Variants in COX10 observed in about 807,000 individuals in gnomAD.
COX10 encodes the protein protoheme IX farnesyltransferase, mitochondrial.
In COX10, 27 loss-of-function variants were observed where a neutral mutation model predicts 37.3. That is an observed-to-expected ratio of 0.72 (90% CI 0.53 to 1.00). The LOEUF (loss-of-function observed/expected upper bound fraction) is 1.00, where lower values mean the gene tolerates loss of function less well. COX10 is among the 50% of genes least tolerant of loss of function. COX10 has a pLI of 0.00. For missense variants in COX10, 475 were observed against 563.2 expected (o/e 0.84, Z 1.59); for synonymous variants, 222 against 229.1 (o/e 0.97, Z 0.28).
chr17:14,093,403 C>T (rs1329318733), intron 3 of COX10, among the ~76,000 whole-genome samples: 1 of 152,068 alleles, frequency 6.6e-6, no homozygotes, highest in Non-Finnish European at 1.5e-5. Context: ...TATGCTTATG[C>T]TTAGAGACCA....
At chr17:14,148,534 G>T (rs968379804) in intron 4 of COX10, among the ~76,000 whole-genome samples, 1 of 152,128 alleles carries the variant, frequency 6.6e-6, no homozygotes, top group Admixed American at 6.6e-5. Flanking sequence ...TGTTGACAGC[G>T]TTGAGAAGAT....
intron 3 of COX10, 104 bp downstream of exon 3, chr17:14,077,160 G>A (rs1915176055): frequency 9.3e-7 from 1 of 1,079,278 alleles, no homozygotes; most frequent in Non-Finnish European, 1.3e-6. Context: ...GGAACTGCAG[G>A]TCCTGTCTTA....
At chr17:14,196,527 T>A (rs1477003698) in intron 6 of COX10, among the ~76,000 whole-genome samples, 1 of 152,178 alleles carries the variant, frequency 6.6e-6, no homozygotes, top group Non-Finnish European at 1.5e-5. Context: ...CGTGCAAGGA[T>A]GAGCCACCTG....
chr17:14,162,868 T>G (rs1905197599), intron 5 of COX10, among the ~76,000 whole-genome samples: 1 of 152,204 alleles, frequency 6.6e-6, no homozygotes, highest in Non-Finnish European at 1.5e-5. Flanking sequence ...ATAAAGTTTA[T>G]TTTTTCCATT....
rs542953170 is a variant in COX10 at position 14,084,496 on chromosome 17, G to A, written c.499+7440G>A. 3.3e-5 allele frequency among the ~76,000 whole-genome samples: 5 copies of A among 152,122 alleles called. No individual in the cohort carries two copies. The South Asian group carries it at 1.0e-3, about 32-fold the overall frequency. ...CTTTATAAAGAAATATACGATCGTA[G>A]CGTAAATGCCTTCTGTGACTGAAAA... On this transcript the variant is annotated intron_variant, in intron 3 of 6. Coordinates refer to ENST00000261643, the MANE Select transcript of COX10 (RefSeq NM_001303.4).
chr17:14,109,749 T>C (rs1915972566), intron 4 of COX10, among the ~76,000 whole-genome samples: 1 of 152,156 alleles, frequency 6.6e-6, no homozygotes, highest in African/African-American at 2.4e-5. Flanking sequence ...GGTTAACTGC[T>C]GACATCCTTG....
chr17:14,155,768 G>A (rs1905028252), intron 4 of COX10, among the ~76,000 whole-genome samples: 1 of 151,910 alleles, frequency 6.6e-6, no homozygotes, highest in Non-Finnish European at 1.5e-5. Context: ...AACACAGAAG[G>A]CTAGGGTCTG....
chr17:14,082,077 G>A (rs1402774807), intron 3 of COX10, among the ~76,000 whole-genome samples: 1 of 152,170 alleles, frequency 6.6e-6, no homozygotes, highest in East Asian at 1.9e-4. Context: ...GCATGGAGCT[G>A]GCAGTGAGGT....
At chr17:14,094,934 G>A (rs146096516) in intron 3 of COX10, among the ~76,000 whole-genome samples, 6 of 152,282 alleles carry the variant, frequency 3.9e-5, no homozygotes, top group South Asian at 2.1e-4. Context: ...GGTTACTAGC[G>A]ACATTTAGCT....
chr17:14,096,668 CA>C (rs977302109), intron 3 of COX10, among the ~76,000 whole-genome samples: 4 of 151,970 alleles, frequency 2.6e-5, no homozygotes, highest in Non-Finnish European at 5.9e-5. Flanking sequence ...TGGCATCTGG[CA>C]AAAAAATTTT....
intron 1 of COX10, among the ~76,000 whole-genome samples, chr17:14,074,106 C>T (rs1915090379): frequency 6.6e-6 from 1 of 151,634 alleles, no homozygotes; most frequent in Non-Finnish European, 1.5e-5. Flanking sequence ...GAAAATTTTC[C>T]CTGGCCCTTC....
At chr17:14,151,086 C>T (rs1171405515) in intron 4 of COX10, among the ~76,000 whole-genome samples, 2 of 151,942 alleles carry the variant, frequency 1.3e-5, no homozygotes, top group Non-Finnish European at 2.9e-5. Flanking sequence ...AATGAGTAGG[C>T]TAAAGCCAGC....
intron 6 of COX10, among the ~76,000 whole-genome samples, chr17:14,198,085 C>A (rs1277220811): frequency 2.0e-5 from 3 of 152,136 alleles, no homozygotes; most frequent in Non-Finnish European, 2.9e-5. Flanking sequence ...TGCTTTCTGG[C>A]CCCTGGTCTA....
chr17:14,147,656 C>T (rs1904763270), intron 4 of COX10, among the ~76,000 whole-genome samples: 1 of 151,902 alleles, frequency 6.6e-6, no homozygotes, highest in African/African-American at 2.4e-5. Context: ...TTGTTTGTAA[C>T]ACAAAAGATA....
rs1326194362 is a variant in COX10 at position 14,157,048 on chromosome 17, A to C, written c.625-2829A>C. Among the ~76,000 whole-genome samples, 3 of 152,324 alleles carry C rather than the reference A, an allele frequency of 2.0e-5. No individual in the cohort carries two copies. The East Asian group carries it at 5.8e-4, about 29-fold the overall frequency. ...AAATGAGTGTAGCTGAATTCCAATA[A>C]AACTTTGTTTATGGACACTGAAATT... On this transcript the variant is annotated intron_variant, in intron 4 of 6. Transcript: ENST00000261643.
At chr17:14,088,858 A>G (rs984582383) in intron 3 of COX10, among the ~76,000 whole-genome samples, 6 of 152,206 alleles carry the variant, frequency 3.9e-5, no homozygotes, top group African/African-American at 9.7e-5. Flanking sequence ...GATGACTTCC[A>G]TACCGTCATC....
At chr17:14,071,632 C>T (rs569082473) in intron 1 of COX10, among the ~76,000 whole-genome samples, 1 of 151,404 alleles carries the variant, frequency 6.6e-6, no homozygotes, top group African/African-American at 2.4e-5. Flanking sequence ...ACCTGTAATC[C>T]CAGAACTTTG....
In COX10 at chr17:14,206,265, C is replaced by T. The variant is rs956841245; in HGVS notation, c.929-545C>T. ...GCCAGGGCTCACAGAACAGGCGGAG[C>T]GGACTTGCAGCGTCCTCCAGGTTAC... On this transcript the variant is annotated intron_variant, in intron 6 of 6. Coordinates refer to ENST00000261643, the MANE Select transcript of COX10 (RefSeq NM_001303.4). Among the ~76,000 whole-genome samples, 9 of 152,270 alleles carry T rather than the reference C, an allele frequency of 5.9e-5. No individual in the cohort carries two copies. In the South Asian group the frequency reaches 1.2e-3, roughly 21 times the overall value.
chr17:14,074,691 A>G (rs1177343547), intron 2 of COX10, among the ~76,000 whole-genome samples: 1 of 152,220 alleles, frequency 6.6e-6, no homozygotes, highest in African/African-American at 2.4e-5. Context: ...AAGTTTAGAG[A>G]AAGACTGAAA....
Sources: allele counts gnomAD v4.1 joint callset (sites outside exome capture counted in the v4.1 genomes callset), GRCh38; gene constraint gnomAD v4.1.1; transcripts MANE v1.5; gene names NCBI Gene and HGNC (gene_info 2026-07-23, HGNC 2026-07-21).